Variants in PTPRJ observed in about 807,000 individuals in gnomAD.
PTPRJ encodes receptor-type tyrosine-protein phosphatase eta.
In PTPRJ, 129 loss-of-function variants were observed where a neutral mutation model predicts 141.3. That is an observed-to-expected ratio of 0.91 (90% CI 0.79 to 1.06). PTPRJ has a LOEUF of 1.06. PTPRJ is among the 50% of genes least tolerant of loss of function. The pLI, the probability that PTPRJ is intolerant of heterozygous loss-of-function variation, is 0.00. For missense variants in PTPRJ, 1,601 were observed against 1,679.7 expected, an observed-to-expected ratio of 0.95 and a Z score of 0.82; for synonymous variants, 610 against 640.5, an observed-to-expected ratio of 0.95 and a Z score of 0.72.
rs761204177 is a variant in PTPRJ at position 48,149,987 on chromosome 11, A to T, written c.3042-3A>T. 25 of 1,462,994 alleles carry T rather than the reference A, an allele frequency of 1.7e-5. No individual in the cohort carries two copies. Among genetic ancestry groups the T allele is most frequent in the Non-Finnish European group, 1.3e-5 (14 of 1,051,400 alleles). 90.6% of individuals were successfully genotyped at this position (1,462,994 alleles called of 1,614,324 possible). A position where few individuals can be genotyped will look rare whatever the true frequency, so the allele number is the denominator to read the frequency against. On this transcript the variant is annotated splice_region_variant and splice_polypyrimidine_tract_variant and intron_variant, in intron 16 of 24. Transcript: ENST00000418331. ...ATTTTTTCTTTCCCTTTCTATCATGAAGACCTAAAAAGTGAGTAATCTCTT... is the reference window on the plus strand; with the variant it reads ...ATTTTTTCTTTCCCTTTCTATCATGTAGACCTAAAAAGTGAGTAATCTCTT...
chr11:48,069,168 C>T (rs1421926185), intron 1 of PTPRJ, among the ~76,000 whole-genome samples: 3 of 149,798 alleles, frequency 2.0e-5, no homozygotes, highest in Admixed American at 6.7e-5. Flanking sequence ...GGGGTGATCT[C>T]GGCTAATTGC....
chr11:48,163,542 CTCA>C lies in PTPRJ; in HGVS notation c.3647_3649del (p.Ile1216del). 6.2e-7 allele frequency: 1 copy of C among 1,613,844 alleles called. No individual in the cohort carries two copies. Among genetic ancestry groups the C allele is most frequent in the South Asian group, 1.1e-5 (1 of 91,074 alleles). On this transcript the variant is annotated inframe_deletion, in exon 23 of 25. Transcript: ENST00000418331. ...CGGTGTTCCCGACACCACTGACCTG[CTCA>C]TCAACTTCCGGTACCTCGTTCGTGA...
intron 1 of PTPRJ, among the ~76,000 whole-genome samples, chr11:48,087,930 C>T (rs1855758500): frequency 1.3e-5 from 2 of 152,218 alleles, no homozygotes; most frequent in African/African-American, 4.8e-5. Flanking sequence ...TTGTTTTCAG[C>T]AAGGTCCCTG....
intron 1 of PTPRJ, among the ~76,000 whole-genome samples, chr11:48,076,784 C>G (rs1219263328): frequency 7.0e-6 from 1 of 143,204 alleles, no homozygotes; most frequent in Admixed American, 7.1e-5. Flanking sequence ...CAGTGAAGTT[C>G]CAAAAAAAAA....
At chr11:48,081,767 G>A (rs75901134) in intron 1 of PTPRJ, among the ~76,000 whole-genome samples, 1,691 of 152,068 alleles carry the variant, frequency 0.011, 39 homozygotes, top group African/African-American at 0.039. Flanking sequence ...TAAAATGGGT[G>A]GGGGGAAGGG....
At chr11:47,986,085 A>C (rs1275948808) in intron 1 of PTPRJ, among the ~76,000 whole-genome samples, 5 of 152,112 alleles carry the variant, frequency 3.3e-5, no homozygotes, top group Non-Finnish European at 7.4e-5. Flanking sequence ...TCATCCTTCC[A>C]AGTAGCCAGG....
At chr11:48,165,810 T>G (rs1363089793) in intron 24 of PTPRJ, among the ~76,000 whole-genome samples, 1 of 152,232 alleles carries the variant, frequency 6.6e-6, no homozygotes, top group Non-Finnish European at 1.5e-5. Flanking sequence ...TTTTTTATAT[T>G]TTGAAAACAA....
intron 1 of PTPRJ, among the ~76,000 whole-genome samples, chr11:48,051,581 T>C (rs140923364): frequency 1.3e-5 from 2 of 152,362 alleles, no homozygotes; most frequent in Middle Eastern, 3.4e-3. Context: ...AGAATCATTA[T>C]GTTAATGATA....
intron 1 of PTPRJ, among the ~76,000 whole-genome samples, chr11:48,108,390 T>C (rs1242635226): frequency 1.3e-5 from 2 of 152,196 alleles, no homozygotes. Context: ...CGCAGTTACA[T>C]GGCCAGAAGC....
intron 22 of PTPRJ, among the ~76,000 whole-genome samples, chr11:48,160,537 A>G (rs925656341): frequency 3.3e-5 from 5 of 152,198 alleles, no homozygotes; most frequent in Non-Finnish European, 5.9e-5. Flanking sequence ...CAGGCATTCT[A>G]GGAAGTCAAG....
intron 1 of PTPRJ, among the ~76,000 whole-genome samples, chr11:48,096,248 G>T (rs1856002232): frequency 6.6e-6 from 1 of 152,300 alleles, no homozygotes; most frequent in East Asian, 1.9e-4. Flanking sequence ...TGGTCAGCAG[G>T]CAGGAAAACG....
chr11:48,079,768 G>T (rs1274374178), intron 1 of PTPRJ, among the ~76,000 whole-genome samples: 4 of 152,128 alleles, frequency 2.6e-5, no homozygotes, highest in African/African-American at 9.7e-5. Flanking sequence ...CTTGCCTTTA[G>T]GGGAAGCTGA....
At chr11:48,159,085 G>A (rs1051070312) in intron 21 of PTPRJ, among the ~76,000 whole-genome samples, 15 of 111,390 alleles carry the variant, frequency 1.3e-4, no homozygotes, top group African/African-American at 4.6e-4. Flanking sequence ...GTGTGCGTGT[G>A]TGTGTATGTG....
intron 1 of PTPRJ, among the ~76,000 whole-genome samples, chr11:48,015,152 G>A (rs1366358599): frequency 6.6e-6 from 1 of 152,150 alleles, no homozygotes; most frequent in East Asian, 1.9e-4. Context: ...AGAAATTGGA[G>A]TCTGCGGTGG....
rs763604927 is a variant in PTPRJ, at chr11:48,170,164, T to G, written c.*2802T>G. 7.2e-5 allele frequency: 11 copies of G among 152,070 alleles called. No individual in the cohort carries two copies. The highest frequency in any genetic ancestry group is 1.6e-4 in the Non-Finnish European group (11 of 68,036). 9.4% of individuals were successfully genotyped at this position (152,070 alleles called of 1,614,324 possible). On this transcript the variant is annotated 3_prime_UTR_variant, in exon 25 of 25. Coordinates refer to ENST00000418331, the MANE Select transcript of PTPRJ (RefSeq NM_002843.4). The stretch of plus-strand genomic sequence containing the variant: ...TGACAATTGCATACAGAAAAGCAGC[T>G]GGTATGGGTTTGGGTGTCAATGAAA...
intron 1 of PTPRJ, among the ~76,000 whole-genome samples, chr11:47,988,878 TG>T: frequency 1.4e-5 from 2 of 146,298 alleles, no homozygotes; most frequent in Non-Finnish European, 3.0e-5. Flanking sequence ...AATTGTATCT[TG>T]TTTTTTTTTT....
intron 1 of PTPRJ, among the ~76,000 whole-genome samples, chr11:48,082,691 G>T (rs1412658544): frequency 6.6e-6 from 1 of 151,592 alleles, no homozygotes; most frequent in Non-Finnish European, 1.5e-5. Context: ...CCTGGCTTCA[G>T]GTGTGTGCCA....
At chr11:47,992,866 G>A (rs1854233229) in intron 1 of PTPRJ, among the ~76,000 whole-genome samples, 1 of 152,142 alleles carries the variant, frequency 6.6e-6, no homozygotes, top group African/African-American at 2.4e-5. Context: ...GTGTGTATGT[G>A]TGTATACTAA....
At chr11:48,129,048 A>G (rs1856907566) in intron 7 of PTPRJ, among the ~76,000 whole-genome samples, 1 of 152,206 alleles carries the variant, frequency 6.6e-6, no homozygotes, top group South Asian at 2.1e-4. Flanking sequence ...ACAGGGGTTT[A>G]TTTCTCTCTC....
Sources: gnomAD v4.1 joint callset for allele counts (sites outside exome capture counted in the v4.1 genomes callset) on GRCh38, gnomAD v4.1.1 for gene constraint, MANE v1.5 for transcripts, NCBI Gene and HGNC (gene_info 2026-07-23, HGNC 2026-07-21) for gene names.